The following CADM1 variants were observed in gnomAD, a reference collection of about 807,000 sequenced individuals.
The protein encoded by CADM1 is cell adhesion molecule 1.
CADM1 carries 15 observed loss-of-function variants against 53.1 expected under a neutral mutation model. The observed-to-expected ratio is 0.28, with a 90% CI of 0.19 to 0.44. CADM1 has a LOEUF of 0.44. Ranked by LOEUF, CADM1 falls within the 20% of genes least tolerant of loss-of-function variation. CADM1 has a pLI of 1.00. For synonymous variants in CADM1, 281 were observed against 243.0 expected, an observed-to-expected ratio of 1.16 and a Z score of -1.45; for missense variants, 434 against 611.3, an observed-to-expected ratio of 0.71 and a Z score of 3.06.
intron 1 of CADM1, among the ~76,000 whole-genome samples, chr11:115,491,470 C>A (rs548979753): frequency 5.3e-5 from 8 of 151,854 alleles, no homozygotes; most frequent in Non-Finnish European, 1.2e-4. Context: ...GAGGCTGAGG[C>A]AGGAGAATGG....
chr11:115,190,412 G>A (rs1939788542), intron 10 of CADM1, among the ~76,000 whole-genome samples: 1 of 151,762 alleles, frequency 6.6e-6, no homozygotes, highest in Non-Finnish European at 1.5e-5. Flanking sequence ...CCTCCTCCCT[G>A]CCCTTCCCCA....
At chr11:115,358,366 ATCATG>A (rs1235859318) in intron 1 of CADM1, among the ~76,000 whole-genome samples, 2 of 152,224 alleles carry the variant, frequency 1.3e-5, no homozygotes, top group Non-Finnish European at 2.9e-5. Context: ...AGGCCTTACA[ATCATG>A]GCGGAAGGTG....
intron 6 of CADM1, 38 bp downstream of exon 6, chr11:115,217,854 C>G: frequency 7.9e-7 from 1 of 1,271,964 alleles, no homozygotes; most frequent in East Asian, 2.3e-5. Flanking sequence ...ACATTTACTG[C>G]GCATGACCCT....
At chr11:115,450,597 T>G (rs1005246979) in intron 1 of CADM1, among the ~76,000 whole-genome samples, 1 of 152,212 alleles carries the variant, frequency 6.6e-6, no homozygotes, top group African/African-American at 2.4e-5. Flanking sequence ...TTTGATTTGG[T>G]ACATGAGAAA....
intron 1 of CADM1, among the ~76,000 whole-genome samples, chr11:115,302,400 T>C (rs1565352855): frequency 6.6e-6 from 1 of 152,046 alleles, no homozygotes; most frequent in Non-Finnish European, 1.5e-5. Flanking sequence ...AACCTACAAA[T>C]AGCAAGTGCA....
intron 2 of CADM1, 137 bp downstream of exon 2, chr11:115,240,137 C>G: frequency 2.6e-6 from 2 of 775,674 alleles, no homozygotes. Context: ...TTGCCTGTCT[C>G]TTCTTCCCTC....
chr11:115,375,703 T>C (rs995005531), intron 1 of CADM1, among the ~76,000 whole-genome samples: 4 of 152,122 alleles, frequency 2.6e-5, no homozygotes, highest in Non-Finnish European at 2.9e-5. Context: ...TCCTGAAACA[T>C]AGACCCATGA....
At chr11:115,235,792 A>G (rs923130806) in intron 3 of CADM1, among the ~76,000 whole-genome samples, 2 of 152,196 alleles carry the variant, frequency 1.3e-5, no homozygotes, top group Non-Finnish European at 2.9e-5. Context: ...CAGGACTGTG[A>G]TAATATTAGC....
intron 10 of CADM1, 190 bp from the exon 11 acceptor site, chr11:115,178,965 C>G (rs548592754): frequency 1.5e-6 from 1 of 649,716 alleles, no homozygotes; most frequent in African/African-American, 1.8e-5. Flanking sequence ...ATCTGTTCTC[C>G]CCACGAGGCA....
At chr11:115,271,018 T>C (rs1943282036) in intron 1 of CADM1, among the ~76,000 whole-genome samples, 1 of 152,144 alleles carries the variant, frequency 6.6e-6, no homozygotes, top group South Asian at 2.1e-4. Flanking sequence ...TTCATTAGCA[T>C]TTGTAAGAAG....
At chr11:115,353,652 A>G (rs1398628986) in intron 1 of CADM1, among the ~76,000 whole-genome samples, 1 of 152,150 alleles carries the variant, frequency 6.6e-6, no homozygotes, top group African/African-American at 2.4e-5. Context: ...GAGAAGTTGA[A>G]GGGTGACTTG....
chr11:115,434,439 C>A (rs1948131411), intron 1 of CADM1, among the ~76,000 whole-genome samples: 1 of 152,200 alleles, frequency 6.6e-6, no homozygotes, highest in African/African-American at 2.4e-5. Context: ...ACTTACATTG[C>A]CCGACGCTGA....
Position 115,175,937 on chromosome 11 carries a change from A to C in CADM1, c.*537T>G. On this transcript the variant is annotated 3_prime_UTR_variant, in exon 12 of 12. Transcript: ENST00000331581. ...GATACACTAAATTCTGAACTATGAA[A>C]TCTAAGCTGTGCTGGTTCTCCTTTT... 9.8e-7 allele frequency: 1 copy of C among 1,017,276 alleles called. No homozygotes were observed. The highest frequency in any genetic ancestry group is 1.2e-6 in the Non-Finnish European group (1 of 849,250). 63.0% of individuals were successfully genotyped at this position (1,017,276 alleles called of 1,614,324 possible).
At chr11:115,443,067 C>G (rs543716573) in intron 1 of CADM1, among the ~76,000 whole-genome samples, 1 of 152,168 alleles carries the variant, frequency 6.6e-6, no homozygotes, top group Admixed American at 6.5e-5. Flanking sequence ...TACTTCAGTA[C>G]CTCTTTCATT....
At chr11:115,328,461 T>C (rs1945017576) in intron 1 of CADM1, among the ~76,000 whole-genome samples, 1 of 151,558 alleles carries the variant, frequency 6.6e-6, no homozygotes, top group Non-Finnish European at 1.5e-5. Flanking sequence ...ATGTCTTCAT[T>C]CCTTCAACAA....
At chr11:115,340,642 A>T (rs1322597537) in intron 1 of CADM1, among the ~76,000 whole-genome samples, 5 of 31,362 alleles carry the variant, frequency 1.6e-4, no homozygotes, top group South Asian at 1.0e-3. Flanking sequence ...ATATATATAT[A>T]TATATATATA....
At chr11:115,192,947 C>G (rs761758322) in intron 9 of CADM1, among the ~76,000 whole-genome samples, 1 of 152,154 alleles carries the variant, frequency 6.6e-6, no homozygotes, top group Non-Finnish European at 1.5e-5. Context: ...AGGCTACTGG[C>G]ATTAAATTTG....
At chr11:115,218,036 A>G (rs1385088430) in intron 5 of CADM1, 45 bp from the exon 6 acceptor site, 2 of 1,346,034 alleles carry the variant, frequency 1.5e-6, no homozygotes. Context: ...AAATGATATC[A>G]TCAGGCAAAA....
chr11:115,304,918 T>C (rs751040108), intron 1 of CADM1, among the ~76,000 whole-genome samples: 34 of 152,116 alleles, frequency 2.2e-4, no homozygotes, highest in Non-Finnish European at 4.7e-4. Context: ...ATGGAATCAT[T>C]ATGTAAACAA....
Sources: gnomAD v4.1 joint callset for allele counts (sites outside exome capture counted in the v4.1 genomes callset) on GRCh38, gnomAD v4.1.1 for gene constraint, MANE v1.5 for transcripts, NCBI Gene and HGNC (gene_info 2026-07-23, HGNC 2026-07-21) for gene names.